AKAP9: variants seen among roughly 807,000 people sequenced by gnomAD.
AKAP9 encodes A-kinase anchoring protein 9, also known as A-kinase anchor protein 9.
A neutral mutation model predicts 488.5 loss-of-function variants in AKAP9; 311 were observed. The ratio of observed to expected loss-of-function variants is 0.64; its 90% CI spans 0.58 to 0.70. The LOEUF is 0.70. Among genes scored for constraint, AKAP9 ranks in the 30% least tolerant of loss-of-function variants. The pLI is 0.00. For missense variants in AKAP9, 4,215 were observed against 4,374.5 expected (o/e 0.96, Z 1.03); for synonymous variants, 1,462 against 1,483.5 (o/e 0.99, Z 0.33).
chr7:91,966,382 A>G (rs947338188), intron 1 of AKAP9, among the ~76,000 whole-genome samples: 2 of 152,200 alleles, frequency 1.3e-5, no homozygotes, highest in African/African-American at 2.4e-5. Context: ...GGTAAGAGAT[A>G]CTTATGTAGT....
chr7:92,080,165 T>C lies in AKAP9; in HGVS notation c.8019+13T>C. 6.5e-7 allele frequency: 1 copy of C among 1,543,090 alleles called. No individual in the cohort carries two copies. Among genetic ancestry groups the C allele is most frequent in the Non-Finnish European group, 8.7e-7 (1 of 1,147,158 alleles). The stretch of plus-strand genomic sequence containing the variant: ...TGAAGTTCTCAAGGTTAGTTTTGTA[T>C]TTTATTAGTTTCATTTAAATACCCC... On this transcript the variant is annotated intron_variant, in intron 31 of 49. Transcript: ENST00000356239.
intron 32 of AKAP9, 38 bp from the exon 33 acceptor site, chr7:92,083,132 T>C (rs1305013919): frequency 3.1e-6 from 5 of 1,604,406 alleles, no homozygotes; most frequent in Non-Finnish European, 4.3e-6. Context: ...GGGAAGATTT[T>C]AACTGAATGC....
chr7:92,012,545 T>A lies in AKAP9; in HGVS notation c.3435T>A (p.Ser1145Arg), dbSNP rs752837656. 7 of 1,613,798 alleles carry A rather than the reference T, an allele frequency of 4.3e-6. No homozygotes were observed. Among genetic ancestry groups the A allele is most frequent in the Non-Finnish European group, 5.9e-6 (7 of 1,179,764 alleles). Residue 1145 changes from serine to arginine, a missense_variant, in exon 9 of 50, where the codon AGT becomes AGA. Physicochemically the swap from Ser to Arg is moderately radical, Grantham distance 110. This residue lies in a region of AKAP9 where 2,361 missense variants were observed against 2,430.0 expected (regional missense o/e 0.97). Coordinates refer to ENST00000356239, the MANE Select transcript of AKAP9 (RefSeq NM_005751.5). ...ATGAAAAAGATAAAGCTCTTTGCAG[T>A]CTTAAAGAAGAGCTTATTTTTGCTC... is the stretch of plus-strand genomic sequence containing the variant. ...MENEKDKALC[S>R]LKEELIFAQE...
Position 92,014,296 on chromosome 7 carries a change from G to A in AKAP9, c.3580G>A (p.Ala1194Thr), listed in dbSNP as rs139965373. The A allele has an allele frequency of 3.8e-4, 621 of 1,613,196 alleles. 2 individuals are homozygous for A. The highest frequency in any genetic ancestry group is 1.5e-3 in the Middle Eastern group (9 of 5,944). Residue 1194 changes from alanine (A) to threonine (T), a missense_variant, in exon 10 of 50, where the codon GCA becomes ACA. Physicochemically the swap from Ala to Thr is moderately conservative, Grantham distance 58. This residue lies in a region of AKAP9 where 2,361 missense variants were observed against 2,430.0 expected (regional missense o/e 0.97). Coordinates refer to ENST00000356239, the MANE Select transcript of AKAP9 (RefSeq NM_005751.5). The part of the protein sequence containing the change: ...LHLLIGKLQK[A>T]VSEECSYFLQ... ...TCTGCTCATTGGAAAACTTCAAAAGGCAGTGTCTGAAGAATGTTCTTATTT... is the reference window on the plus strand; with the variant it reads ...TCTGCTCATTGGAAAACTTCAAAAGACAGTGTCTGAAGAATGTTCTTATTT...
intron 9 of AKAP9, among the ~76,000 whole-genome samples, chr7:92,013,287 G>C (rs551735142): frequency 6.6e-6 from 1 of 151,956 alleles, no homozygotes; most frequent in Non-Finnish European, 1.5e-5. Flanking sequence ...CACCGCGCCC[G>C]GCCGGGGTTG....
rs578037475 is a variant in AKAP9 at position 91,992,746 on chromosome 7, A to G, written c.406-139A>G. Reference sequence around the variant, plus strand: ...TGTTCTTGAGGTAAATATGTTAACGAAGTAGGTTGCCATACCATAATCTTC... The same window carrying G: ...TGTTCTTGAGGTAAATATGTTAACGGAGTAGGTTGCCATACCATAATCTTC... On this transcript the variant is annotated intron_variant, in intron 4 of 49. Coordinates refer to ENST00000356239, the MANE Select transcript of AKAP9 (RefSeq NM_005751.5). 1.9e-4 allele frequency: 138 copies of G among 733,350 alleles called. 1 individual carries two copies. The South Asian group carries it at 2.0e-3, about 11-fold the overall frequency. 45.4% of individuals were successfully genotyped at this position (733,350 alleles called of 1,614,324 possible).
Position 92,022,899 on chromosome 7 carries a change from C to T in AKAP9, c.4038C>T (p.Leu1346=), listed in dbSNP as rs780179861. 1 of 1,613,056 alleles carries T rather than the reference C, an allele frequency of 6.2e-7. No homozygotes were observed. Among genetic ancestry groups the T allele is most frequent in the Admixed American group, 1.7e-5 (1 of 60,020 alleles). Residue 1346 remains leucine, a synonymous_variant, in exon 14 of 50, where the codon CTC becomes CTT. Transcript: ENST00000356239. ...LEEQVQELES[L]ISSLQQQLKE... The stretch of plus-strand genomic sequence containing the variant: ...AACAAGTTCAAGAATTAGAAAGCCT[C>T]ATATCCTCTTTGCAGCAACAGTTGA...
intron 9 of AKAP9, among the ~76,000 whole-genome samples, chr7:92,012,904 A>G (rs532025338): frequency 1.3e-5 from 2 of 151,832 alleles, no homozygotes; most frequent in East Asian, 3.9e-4. Flanking sequence ...ATGGGAGGAG[A>G]AAGGAGAAAC....
intron 3 of AKAP9, among the ~76,000 whole-genome samples, chr7:91,983,298 G>C (rs1796665167): frequency 6.6e-6 from 1 of 152,032 alleles, no homozygotes. Flanking sequence ...GAGAACATGT[G>C]GTGTTTGGTT....
chr7:92,065,996 C>A (rs1810710140), intron 25 of AKAP9, among the ~76,000 whole-genome samples: 1 of 152,124 alleles, frequency 6.6e-6, no homozygotes, highest in South Asian at 2.1e-4. Context: ...GATTCTTACT[C>A]ATTTTATAAC....
intron 2 of AKAP9, 39 bp from the exon 3 acceptor site, chr7:91,980,250 A>T (rs1796215868): frequency 7.3e-7 from 1 of 1,363,830 alleles, no homozygotes; most frequent in South Asian, 1.2e-5. Context: ...TTTAGCACAA[A>T]AAAGTCATAA....
chr7:92,019,281 A>T (rs1393486326), intron 12 of AKAP9, among the ~76,000 whole-genome samples: 1 of 151,756 alleles, frequency 6.6e-6, no homozygotes, highest in Non-Finnish European at 1.5e-5. Flanking sequence ...AGCTGGGATT[A>T]CAGGCACACT....
At chr7:92,109,447 CTTGTT>C (rs1819023065) in intron 49 of AKAP9, among the ~76,000 whole-genome samples, 1 of 152,056 alleles carries the variant, frequency 6.6e-6, no homozygotes, top group South Asian at 2.1e-4. Context: ...TTTGCCTAGG[CTTGTT>C]TTGTTTTGAG....
rs1174391682 is a variant in AKAP9 at position 92,045,108 on chromosome 7, G to T, written c.5263G>T (p.Gly1755Trp). 2 of 1,613,560 alleles carry T rather than the reference G, an allele frequency of 1.2e-6. No individual in the cohort carries two copies. The highest frequency in any genetic ancestry group is 3.3e-5 in the Admixed American group (2 of 59,924). The change falls in exon 21 of 50, where the codon GGG becomes TGG. Residue 1755 changes from glycine (G) to tryptophan (W), a missense_variant. Gly to Trp is a radical substitution (Grantham distance 184). Around this residue, in one of 5 missense-constraint regions of AKAP9, gnomAD observed 2,361 missense variants for 2,430.0 expected, o/e 0.97. Coordinates refer to ENST00000356239, the MANE Select transcript of AKAP9 (RefSeq NM_005751.5). ...AGAAACAATTGGTCGCCATGTCCTT[G>T]GGATTCTAGATAGATCTAGTAAAAG... is the stretch of plus-strand genomic sequence containing the variant. ...VEETIGRHVL[G>W]ILDRSSKSQS...
chr7:91,976,632 A>G (rs1010833305), intron 2 of AKAP9, among the ~76,000 whole-genome samples: 4 of 152,244 alleles, frequency 2.6e-5, no homozygotes, highest in Admixed American at 6.5e-5. Context: ...ATTTTACATT[A>G]TATAAATTCA....
intron 3 of AKAP9, among the ~76,000 whole-genome samples, chr7:91,983,796 T>A (rs1474161042): frequency 2.6e-5 from 4 of 152,188 alleles, no homozygotes; most frequent in Non-Finnish European, 5.9e-5. Flanking sequence ...CTCTCCAGCA[T>A]CTGTTGTTTC....
At chr7:92,086,922 A>G (rs1814663654) in intron 37 of AKAP9, among the ~76,000 whole-genome samples, 1 of 152,204 alleles carries the variant, frequency 6.6e-6, no homozygotes. Context: ...TCTGACACAC[A>G]TATTTTCTCC....
intron 15 of AKAP9, among the ~76,000 whole-genome samples, chr7:92,030,636 T>G: frequency 8.8e-6 from 1 of 113,848 alleles, no homozygotes; most frequent in African/African-American, 3.8e-5. Flanking sequence ...AACAAGACTG[T>G]CGCCAAAAAA....
chr7:92,038,773 G>A lies in AKAP9; in HGVS notation c.4692+1G>A, dbSNP rs1400100023. 1 of 1,576,354 alleles carries A rather than the reference G, an allele frequency of 6.3e-7. No individual in the cohort carries two copies. Among genetic ancestry groups the A allele is most frequent in the Non-Finnish European group, 8.7e-7 (1 of 1,150,646 alleles). ...TAAAACATTTATAGTTAGACAGTCT[G>A]TAAGTATGCCTCCTTGAATATAAAA... is the stretch of plus-strand genomic sequence containing the variant. On this transcript the variant is annotated splice_donor_variant, in intron 17 of 49. Transcript: ENST00000356239. LOFTEE classifies it high-confidence loss of function.
Sources: allele counts gnomAD v4.1 joint callset (sites outside exome capture counted in the v4.1 genomes callset), GRCh38; gene constraint gnomAD v4.1.1; regional missense constraint gnomAD v4.1.1; transcripts MANE v1.5; gene names NCBI Gene and HGNC (gene_info 2026-07-23, HGNC 2026-07-21).